DNAJC13: variants seen among roughly 807,000 people sequenced by gnomAD.
The protein encoded by DNAJC13 is DnaJ heat shock protein family (Hsp40) member C13.
Under a neutral mutation model 290.5 loss-of-function variants are expected in DNAJC13, and 75 were observed. The observed-to-expected ratio is 0.26, with a 90% confidence interval of 0.21 to 0.31. DNAJC13 has a LOEUF of 0.31. Ranked by LOEUF, DNAJC13 falls within the 10% of genes least tolerant of loss-of-function variation. The pLI is 1.00. For missense variants in DNAJC13, 2,260 were observed against 2,674.5 expected (o/e 0.85, Z 3.42); for synonymous variants, 862 against 892.0 (o/e 0.97, Z 0.60).
At chr3:132,525,182 A>C (rs1480613576) in intron 51 of DNAJC13, among the ~76,000 whole-genome samples, 1 of 152,178 alleles carries the variant, frequency 6.6e-6, no homozygotes, top group African/African-American at 2.4e-5. Flanking sequence ...TACTAAAAAA[A>C]ATACAAAATT....
At chr3:132,483,824 A>G (rs1372682561) in intron 28 of DNAJC13, among the ~76,000 whole-genome samples, 5 of 152,206 alleles carry the variant, frequency 3.3e-5, no homozygotes, top group East Asian at 1.9e-4. Context: ...AATAGTAACA[A>G]TTTTATAATT....
rs1009071429 is a variant in DNAJC13, at chr3:132,473,128, G to C, written c.2209-17G>C. On this transcript the variant is annotated splice_polypyrimidine_tract_variant and intron_variant, in intron 20 of 55. Transcript: ENST00000260818. ...GTAGCCCCAGATTGAGCACTATGAA[G>C]TTTTTTTCTGTTCCAGAATATAAAT... 6.9e-6 allele frequency: 11 copies of C among 1,592,674 alleles called. No homozygotes were observed. The African/African-American group carries it at 1.5e-4, about 22-fold the overall frequency.
chr3:132,427,750 T>A (rs1476911838), intron 1 of DNAJC13, among the ~76,000 whole-genome samples: 4 of 152,196 alleles, frequency 2.6e-5, no homozygotes, highest in African/African-American at 9.6e-5. Context: ...GTACAAGAGC[T>A]GGTAAGTTCT....
intron 33 of DNAJC13, among the ~76,000 whole-genome samples, chr3:132,493,632 T>G (rs1935135642): frequency 6.6e-6 from 1 of 152,118 alleles, no homozygotes; most frequent in Non-Finnish European, 1.5e-5. Context: ...TTTTCCCATT[T>G]GCTAACCAGA....
At chr3:132,532,460 A>G (rs977270689) in intron 55 of DNAJC13, among the ~76,000 whole-genome samples, 3 of 152,132 alleles carry the variant, frequency 2.0e-5, no homozygotes, top group Non-Finnish European at 4.4e-5. Context: ...TCCTGTTCAG[A>G]ACAGTGTCAT....
rs1190822041 is a variant in DNAJC13, at chr3:132,509,288, T to C, written c.5116-1779T>C. Among the ~76,000 whole-genome samples, 6 of 152,304 alleles carry C rather than the reference T, an allele frequency of 3.9e-5. No homozygotes were observed. In the East Asian group the frequency reaches 5.8e-4, roughly 15 times the overall value. ...GACTTTGAGAAGTTCAAGATTCCAGTGGAGGAAGTCACTGCAGATGAGCTG... is the reference window on the plus strand; with the variant it reads ...GACTTTGAGAAGTTCAAGATTCCAGCGGAGGAAGTCACTGCAGATGAGCTG... On this transcript the variant is annotated intron_variant, in intron 43 of 55. Transcript: ENST00000260818.
chr3:132,429,863 C>T (rs968905391), intron 1 of DNAJC13, among the ~76,000 whole-genome samples: 2 of 152,062 alleles, frequency 1.3e-5, no homozygotes, highest in Non-Finnish European at 2.9e-5. Context: ...CATAAAAAGC[C>T]CATTTTACTA....
At chr3:132,495,047 G>A (rs752819758) in intron 34 of DNAJC13, 41 bp from the exon 35 acceptor site, 1 of 1,373,686 alleles carries the variant, frequency 7.3e-7, no homozygotes, top group Non-Finnish European at 1.0e-6. Flanking sequence ...ATTTTTTCTT[G>A]TGCCTTACTA....
chr3:132,509,818 T>A (rs1231610468), intron 43 of DNAJC13, among the ~76,000 whole-genome samples: 2 of 152,226 alleles, frequency 1.3e-5, no homozygotes, highest in Admixed American at 1.3e-4. Context: ...TAGTTTTTTT[T>A]AGACATGATA....
chr3:132,528,246 G>A lies in DNAJC13; in HGVS notation c.6439G>A (p.Glu2147Lys). 6.2e-7 allele frequency: 1 copy of A among 1,614,144 alleles called. No individual in the cohort carries two copies. The highest frequency in any genetic ancestry group is 8.5e-7 in the Non-Finnish European group (1 of 1,180,006). The change falls in exon 54 of 56, where the codon GAA (glutamate) becomes AAA (lysine). Residue 2147 changes from glutamate (E) to lysine (K), a missense_variant. By Grantham distance (56) the Glu-to-Lys change is moderately conservative (BLOSUM62 1). Coordinates refer to ENST00000260818, the MANE Select transcript of DNAJC13 (RefSeq NM_015268.4). ...LLKLLEGIGL[E>K]NLDSPAATKA... ...AAAATTACTCGAAGGCATTGGCCTTGAAAACCTGGACAGCCCAGCAGCCAC... is the reference window on the plus strand; with the variant it reads ...AAAATTACTCGAAGGCATTGGCCTTAAAAACCTGGACAGCCCAGCAGCCAC...
At chr3:132,512,760 T>C (rs1371650532) in intron 44 of DNAJC13, among the ~76,000 whole-genome samples, 1 of 152,148 alleles carries the variant, frequency 6.6e-6, no homozygotes, top group East Asian at 1.9e-4. Context: ...ATAAAGGTCT[T>C]AGCCTGAGGG....
In DNAJC13 at chr3:132,482,323, T is replaced by G; in HGVS notation, c.2972T>G (p.Phe991Cys). ...AAAGAAAGGAGTGGCCCGTATGGATTTCATGAGGTATGTATCTTGGAGATA... is the reference window on the plus strand; with the variant it reads ...AAAGAAAGGAGTGGCCCGTATGGATGTCATGAGGTATGTATCTTGGAGATA... ...ADKERSGPYG[F>C]HEMQELWTKG... The change falls in exon 27 of 56, where the codon TTT (phenylalanine) becomes TGT (cysteine). Residue 991 changes from phenylalanine to cysteine, a missense_variant. Physicochemically the swap from Phe to Cys is radical, Grantham distance 205. Around this residue, in one of 3 missense-constraint regions of DNAJC13, gnomAD observed 1,494 missense variants for 1,693.7 expected, o/e 0.88. Transcript: ENST00000260818. 1.2e-6 allele frequency: 2 copies of G among 1,613,074 alleles called. No homozygotes were observed. Among genetic ancestry groups the G allele is most frequent in the Non-Finnish European group, 1.7e-6 (2 of 1,179,266 alleles).
At chr3:132,482,679 A>G (rs1391720495) in intron 27 of DNAJC13, among the ~76,000 whole-genome samples, 2 of 151,884 alleles carry the variant, frequency 1.3e-5, no homozygotes, top group Non-Finnish European at 2.9e-5. Context: ...GCAACATAGC[A>G]AGAGACTATC....
rs112093829 is a variant in DNAJC13, at chr3:132,510,929, A to G, written c.5116-138A>G. The G allele has an allele frequency of 1.4e-3, 1,229 of 883,570 alleles. 14 individuals are homozygous for G. Among genetic ancestry groups the G allele is most frequent in the South Asian group, 0.011 (594 of 54,784 alleles). The allele number at this position is 883,570 out of a possible 1,614,324, so 54.7% of individuals were successfully genotyped here. ...GTTTCCTGCCCTCTACATCCCCCCT[A>G]TAGTGCATAGGTGTATTCATGTGTA... On this transcript the variant is annotated intron_variant, in intron 43 of 55. Coordinates refer to ENST00000260818, the MANE Select transcript of DNAJC13 (RefSeq NM_015268.4).
At chr3:132,530,428 T>G (rs553748230) in intron 54 of DNAJC13, among the ~76,000 whole-genome samples, 2 of 152,378 alleles carry the variant, frequency 1.3e-5, no homozygotes, top group East Asian at 3.9e-4. Flanking sequence ...TTCCCACACA[T>G]GTATTATTTA....
At chr3:132,435,021 G>C (rs907187662) in intron 2 of DNAJC13, among the ~76,000 whole-genome samples, 1 of 152,134 alleles carries the variant, frequency 6.6e-6, no homozygotes, top group African/African-American at 2.4e-5. Flanking sequence ...CCATTCTAGT[G>C]AAGTCTAACC....
intron 39 of DNAJC13, among the ~76,000 whole-genome samples, chr3:132,501,335 C>CA (rs1459347235): frequency 6.6e-6 from 1 of 151,922 alleles, no homozygotes. Flanking sequence ...ACCCTGTCTA[C>CA]AAAAAAATAC....
At chr3:132,501,861 A>G (rs61293912) in intron 39 of DNAJC13, among the ~76,000 whole-genome samples, 2,890 of 152,330 alleles carry the variant, frequency 0.019, 103 homozygotes, top group African/African-American at 0.065. Context: ...CTCCTCTACT[A>G]TATCTACTTA....
intron 48 of DNAJC13, among the ~76,000 whole-genome samples, chr3:132,519,334 C>A (rs1455213788): frequency 6.6e-6 from 1 of 152,110 alleles, no homozygotes; most frequent in Non-Finnish European, 1.5e-5. Context: ...TGTGTTACAT[C>A]ATGGTTTCGA....
Sources: allele counts gnomAD v4.1 joint callset (sites outside exome capture counted in the v4.1 genomes callset), GRCh38; gene constraint gnomAD v4.1.1; regional missense constraint gnomAD v4.1.1; transcripts MANE v1.5; gene names NCBI Gene and HGNC (gene_info 2026-07-23, HGNC 2026-07-21).